Variants in DPYD observed in about 807,000 individuals in gnomAD.
DPYD encodes dihydropyrimidine dehydrogenase.
DPYD carries 109 observed loss-of-function variants against 116.2 expected under a neutral mutation model. The observed-to-expected ratio is 0.94, with a 90% CI of 0.80 to 1.10. DPYD has a LOEUF of 1.10. Ranked by LOEUF, DPYD falls within the 50% of genes least tolerant of loss-of-function variation. The pLI, the probability that DPYD is intolerant of heterozygous loss-of-function variation, is 0.00. For synonymous variants in DPYD, 440 were observed against 432.0 expected, an observed-to-expected ratio of 1.02 and a Z score of -0.23; for missense variants, 1,302 against 1,254.5, an observed-to-expected ratio of 1.04 and a Z score of -0.57.
rs538608808 is a variant in DPYD at position 97,490,839 on chromosome 1, C to A, written c.1740+24887G>T. 2.9e-3 allele frequency among the ~76,000 whole-genome samples: 414 copies of A among 140,796 alleles called. 1 individual carries two copies. The highest frequency in any genetic ancestry group is 9.9e-3 in the African/African-American group (381 of 38,500). The allele number at this position is 140,796 out of a possible 152,430, so 92.4% of individuals were successfully genotyped here. ...TGAAATGTAATGCTAAAAAAAAAAA[C>A]CAAAAAACTGATTTTCAAGCTTAGA... On this transcript the variant is annotated intron_variant, in intron 13 of 22. Coordinates refer to ENST00000370192, the MANE Select transcript of DPYD (RefSeq NM_000110.4).
At chr1:97,354,818 T>C (rs1670341809) in intron 16 of DPYD, among the ~76,000 whole-genome samples, 1 of 152,212 alleles carries the variant, frequency 6.6e-6, no homozygotes, top group African/African-American at 2.4e-5. Flanking sequence ...CGTTCATTCA[T>C]TAATCTATCC....
intron 18 of DPYD, among the ~76,000 whole-genome samples, chr1:97,290,079 A>C (rs1033708518): frequency 8.7e-4 from 132 of 152,246 alleles, no homozygotes; most frequent in South Asian, 1.5e-3. Context: ...TGAGTGAACT[A>C]CCATTCACAA....
At chr1:97,587,188 CCT>C (rs1305454175) in intron 10 of DPYD, among the ~76,000 whole-genome samples, 4 of 152,144 alleles carry the variant, frequency 2.6e-5, no homozygotes, top group Non-Finnish European at 4.4e-5. Flanking sequence ...GTGTCATCCC[CCT>C]GTCATCATAA....
At chr1:97,902,040 C>G (rs1673394063) in intron 1 of DPYD, among the ~76,000 whole-genome samples, 1 of 151,712 alleles carries the variant, frequency 6.6e-6, no homozygotes, top group South Asian at 2.1e-4. Flanking sequence ...CCTGTCTGCC[C>G]CACTAGCCTT....
At chr1:97,342,221 C>T (rs1218549530) in intron 16 of DPYD, among the ~76,000 whole-genome samples, 4 of 152,048 alleles carry the variant, frequency 2.6e-5, no homozygotes, top group African/African-American at 4.8e-5. Flanking sequence ...TTGCTTAAGG[C>T]GACTTAAATA....
intron 16 of DPYD, among the ~76,000 whole-genome samples, chr1:97,359,560 A>T (rs965294707): frequency 7.2e-5 from 11 of 152,230 alleles, no homozygotes; most frequent in African/African-American, 1.2e-4. Flanking sequence ...AGTCAGAGAG[A>T]AAGGTCGGGT....
chr1:97,806,112 T>C (rs1289164573), intron 3 of DPYD, among the ~76,000 whole-genome samples: 1 of 151,880 alleles, frequency 6.6e-6, no homozygotes, highest in Non-Finnish European at 1.5e-5. Context: ...TATAGAACAC[T>C]AAATCCAACA....
chr1:97,276,728 AGAAAAGG>A (rs1269104531), intron 18 of DPYD, among the ~76,000 whole-genome samples: 1 of 151,632 alleles, frequency 6.6e-6, no homozygotes, highest in Non-Finnish European at 1.5e-5. Flanking sequence ...GAGGTTGTGG[AGAAAAGG>A]GAATGCTTAT....
intron 10 of DPYD, among the ~76,000 whole-genome samples, chr1:97,592,287 T>G (rs1654576445): frequency 6.6e-6 from 1 of 152,196 alleles, no homozygotes; most frequent in Non-Finnish European, 1.5e-5. Flanking sequence ...TTGAGAAGTG[T>G]GTAGTACATG....
At chr1:97,696,515 A>G (rs1243481471) in intron 6 of DPYD, among the ~76,000 whole-genome samples, 3 of 152,202 alleles carry the variant, frequency 2.0e-5, no homozygotes, top group Admixed American at 6.5e-5. Flanking sequence ...GACAGAAGAC[A>G]GAATTTAATA....
chr1:97,193,034 T>C (rs1391743607), intron 20 of DPYD, 35 bp downstream of exon 20: 1 of 1,610,808 alleles, frequency 6.2e-7, no homozygotes, highest in Admixed American at 1.7e-5. Flanking sequence ...CAAGGCTGAG[T>C]TCTCAAGAAT....
intron 3 of DPYD, among the ~76,000 whole-genome samples, chr1:97,827,563 T>C (rs1669301713): frequency 6.6e-6 from 1 of 152,070 alleles, no homozygotes; most frequent in East Asian, 1.9e-4. Flanking sequence ...GAATTACTGA[T>C]GTTAAGAAAT....
chr1:97,328,694 A>T (rs1668831165), intron 16 of DPYD, among the ~76,000 whole-genome samples: 1 of 152,142 alleles, frequency 6.6e-6, no homozygotes, highest in African/African-American at 2.4e-5. Context: ...GTTAGAAAAG[A>T]TAACAGAACT....
chr1:97,265,359 A>T (rs1281853373), intron 18 of DPYD: 1 of 152,162 alleles, frequency 6.6e-6, no homozygotes, highest in Non-Finnish European at 1.5e-5. Context: ...TTTTCATAAC[A>T]GTTAGAGGTA....
intron 18 of DPYD, among the ~76,000 whole-genome samples, chr1:97,287,835 C>T (rs1665823044): frequency 6.6e-6 from 1 of 151,980 alleles, no homozygotes; most frequent in Admixed American, 6.6e-5. Flanking sequence ...CATCTGTCAC[C>T]CCTTTCTTTG....
intron 12 of DPYD, among the ~76,000 whole-genome samples, chr1:97,533,749 C>T (rs553498785): frequency 1.7e-4 from 26 of 152,152 alleles, no homozygotes; most frequent in African/African-American, 6.3e-4. Flanking sequence ...ACCTATTAAC[C>T]CTTATATTTC....
intron 3 of DPYD, among the ~76,000 whole-genome samples, chr1:97,773,253 G>A (rs1666233030): frequency 6.6e-6 from 1 of 152,170 alleles, no homozygotes; most frequent in Non-Finnish European, 1.5e-5. Flanking sequence ...AGTGGTTCAA[G>A]TAAAATTTGA....
chr1:97,317,377 C>G (rs536257995), intron 16 of DPYD, among the ~76,000 whole-genome samples: 39 of 151,994 alleles, frequency 2.6e-4, no homozygotes, highest in Admixed American at 2.2e-3. Context: ...TTGCTTAGAA[C>G]ACATTAAAAA....
intron 5 of DPYD, among the ~76,000 whole-genome samples, chr1:97,710,856 G>A (rs1341804386): frequency 2.6e-5 from 4 of 151,646 alleles, no homozygotes; most frequent in Non-Finnish European, 5.9e-5. Flanking sequence ...TGCTCTCAGA[G>A]TATTTGAGAA....
Sources: allele counts gnomAD v4.1 joint callset (sites outside exome capture counted in the v4.1 genomes callset), GRCh38; gene constraint gnomAD v4.1.1; transcripts MANE v1.5; gene names NCBI Gene and HGNC (gene_info 2026-07-23, HGNC 2026-07-21).